BNC2: variants seen among roughly 807,000 people sequenced by gnomAD.
BNC2 encodes basonuclin zinc finger protein 2, also known as zinc finger protein basonuclin-2.
BNC2 carries 20 observed loss-of-function variants against 76.3 expected under a neutral mutation model. The ratio of observed to expected loss-of-function variants is 0.26; its 90% CI spans 0.18 to 0.38. The LOEUF (loss-of-function observed/expected upper bound fraction) is 0.38, where lower values mean the gene tolerates loss of function less well. Among genes scored for constraint, BNC2 ranks in the 10% least tolerant of loss-of-function variants. BNC2 has a pLI of 1.00. For synonymous variants in BNC2, 582 were observed against 514.8 expected (o/e 1.13, Z -1.77); for missense variants, 1,382 against 1,399.8 (o/e 0.99, Z 0.20).
intron 3 of BNC2, among the ~76,000 whole-genome samples, chr9:16,661,041 G>T (rs1025299289): frequency 6.6e-6 from 1 of 152,136 alleles, no homozygotes; most frequent in Middle Eastern, 3.2e-3. Context: ...ATTCTAAAGT[G>T]TATATACCAT....
intron 1 of BNC2, among the ~76,000 whole-genome samples, chr9:16,798,591 T>A (rs1443520767): frequency 6.6e-6 from 1 of 152,158 alleles, no homozygotes; most frequent in Non-Finnish European, 1.5e-5. Context: ...ATCTTATGAT[T>A]TAAAGGAGTT....
intron 3 of BNC2, among the ~76,000 whole-genome samples, chr9:16,635,281 T>C (rs988340310): frequency 2.6e-5 from 4 of 152,208 alleles, no homozygotes; most frequent in Non-Finnish European, 5.9e-5. Flanking sequence ...GATTCAGAAA[T>C]TACTCTGAAC....
intron 3 of BNC2, among the ~76,000 whole-genome samples, chr9:16,647,926 T>C (rs1239854442): frequency 6.6e-6 from 1 of 152,096 alleles, no homozygotes; most frequent in Non-Finnish European, 1.5e-5. Flanking sequence ...TTTTGAAAAA[T>C]TTTATACATT....
intron 2 of BNC2, among the ~76,000 whole-genome samples, chr9:16,737,291 C>T (rs1824703423): frequency 7.1e-6 from 1 of 141,714 alleles, no homozygotes; most frequent in Non-Finnish European, 1.5e-5. Flanking sequence ...CGCTCTGTTG[C>T]CCAGGCTGGA....
At chr9:16,425,197 G>A (rs1374670554) in intron 6 of BNC2, among the ~76,000 whole-genome samples, 1 of 152,064 alleles carries the variant, frequency 6.6e-6, no homozygotes, top group East Asian at 1.9e-4. Context: ...TACTAGTCAC[G>A]CAGACAGTTT....
At chr9:16,497,316 G>C (rs945210015) in intron 5 of BNC2, among the ~76,000 whole-genome samples, 4 of 152,212 alleles carry the variant, frequency 2.6e-5, no homozygotes, top group Non-Finnish European at 4.4e-5. Context: ...AGTAGATGTA[G>C]GTAGTTATTA....
intron 5 of BNC2, among the ~76,000 whole-genome samples, chr9:16,464,593 A>G (rs546666877): frequency 1.3e-5 from 2 of 152,134 alleles, no homozygotes; most frequent in Non-Finnish European, 2.9e-5. Flanking sequence ...TCCTAAACAT[A>G]TCTACTTTCC....
chr9:16,765,953 ATTTTTTTG>A (rs1554725826), intron 1 of BNC2, among the ~76,000 whole-genome samples: 1 of 151,698 alleles, frequency 6.6e-6, no homozygotes, highest in Non-Finnish European at 1.5e-5. Flanking sequence ...CGCCTGGCTA[ATTTTTTTG>A]TATTTTTAGT....
At chr9:16,467,624 C>A (rs539154044) in intron 5 of BNC2, among the ~76,000 whole-genome samples, 1 of 141,918 alleles carries the variant, frequency 7.0e-6, no homozygotes. Flanking sequence ...TAGGTGGGAA[C>A]TGAACAATGA....
intron 5 of BNC2, among the ~76,000 whole-genome samples, chr9:16,528,139 A>G (rs1817868399): frequency 6.6e-6 from 1 of 152,220 alleles, no homozygotes. Context: ...CAAAGAAACG[A>G]TAGAGGTTTG....
chr9:16,794,071 G>T (rs1817585353), intron 1 of BNC2, among the ~76,000 whole-genome samples: 1 of 151,948 alleles, frequency 6.6e-6, no homozygotes, highest in African/African-American at 2.4e-5. Context: ...TTAGTTATAG[G>T]TTATAAAACA....
chr9:16,483,216 C>T (rs750789332), intron 5 of BNC2, among the ~76,000 whole-genome samples: 7 of 152,316 alleles, frequency 4.6e-5, no homozygotes, highest in East Asian at 1.9e-4. Flanking sequence ...AAAGTATATT[C>T]TCTACCACCT....
At chr9:16,844,864 G>C (rs377104155) in intron 1 of BNC2, among the ~76,000 whole-genome samples, 12 of 152,246 alleles carry the variant, frequency 7.9e-5, no homozygotes, top group African/African-American at 2.6e-4. Flanking sequence ...ATTTGGGGCA[G>C]AACAACTCAT....
At chr9:16,518,154 C>T (rs989898457) in intron 5 of BNC2, among the ~76,000 whole-genome samples, 8 of 152,080 alleles carry the variant, frequency 5.3e-5, no homozygotes, top group East Asian at 1.9e-4. Flanking sequence ...TATGGCTGAA[C>T]GTGGTTGCTC....
At chr9:16,727,534 T>C (rs1256536003) in intron 3 of BNC2, 4 of 489,450 alleles carry the variant, frequency 8.2e-6, no homozygotes, top group African/African-American at 7.7e-5. Flanking sequence ...ACCCAGATTG[T>C]ACTGTGAAAC....
intron 5 of BNC2, among the ~76,000 whole-genome samples, chr9:16,455,554 G>T (rs1821429493): frequency 6.6e-6 from 1 of 152,174 alleles, no homozygotes; most frequent in South Asian, 2.1e-4. Flanking sequence ...ACTTTGGGAG[G>T]CCAAGGCAGG....
intron 3 of BNC2, among the ~76,000 whole-genome samples, chr9:16,594,878 G>C (rs960423700): frequency 1.3e-5 from 2 of 152,030 alleles, no homozygotes; most frequent in Non-Finnish European, 1.5e-5. Flanking sequence ...ACAAATCTGA[G>C]ATTTCCTCAG....
At chr9:16,802,657 C>T (rs577420789) in intron 1 of BNC2, among the ~76,000 whole-genome samples, 25 of 152,284 alleles carry the variant, frequency 1.6e-4, no homozygotes, top group African/African-American at 5.3e-4. Context: ...TCTAGCAAGA[C>T]ACTTTTCAAG....
At chr9:16,734,830 A>C (rs1020680924) in intron 2 of BNC2, among the ~76,000 whole-genome samples, 24 of 152,212 alleles carry the variant, frequency 1.6e-4, no homozygotes, top group African/African-American at 5.8e-4. Context: ...AGGCCTTCTA[A>C]CTTAAGGTTG....
Sources: allele counts gnomAD v4.1 joint callset (sites outside exome capture counted in the v4.1 genomes callset), GRCh38; gene constraint gnomAD v4.1.1; transcripts MANE v1.5; gene names NCBI Gene and HGNC (gene_info 2026-07-23, HGNC 2026-07-21).